GPD2: variants seen among roughly 807,000 people sequenced by gnomAD.
GPD2 encodes the protein glycerol-3-phosphate dehydrogenase, mitochondrial.
Under a neutral mutation model 82.4 loss-of-function variants are expected in GPD2, and 54 were observed. The ratio of observed to expected loss-of-function variants is 0.66; its 90% confidence interval spans 0.53 to 0.82. The LOEUF (loss-of-function observed/expected upper bound fraction) is 0.82, where lower values mean the gene tolerates loss of function less well. Among genes scored for constraint, GPD2 ranks in the 40% least tolerant of loss-of-function variants. The pLI is 0.00. For synonymous variants in GPD2, 288 were observed against 306.1 expected (o/e 0.94, Z 0.62); for missense variants, 748 against 896.2 (o/e 0.83, Z 2.11).
the GPD2 span, among the ~76,000 whole-genome samples, chr2:156,403,648 C>G: frequency 6.7e-6 from 1 of 148,394 alleles, no homozygotes; most frequent in East Asian, 1.9e-4. Flanking sequence ...CGCCTGCATG[C>G]ATGTGCATCC....
chr2:156,577,576 G>T (rs370378458), intron 13 of GPD2, among the ~76,000 whole-genome samples: 2 of 152,262 alleles, frequency 1.3e-5, no homozygotes, highest in East Asian at 3.9e-4. Context: ...GTTCATGCAA[G>T]TGTATGTGTC....
At chr2:156,539,999 A>C (rs1229093104) in intron 6 of GPD2, among the ~76,000 whole-genome samples, 1 of 152,210 alleles carries the variant, frequency 6.6e-6, no homozygotes. Flanking sequence ...GGGCTTGCTC[A>C]GGTTTTTGTT....
At chr2:156,404,422 A>C in the GPD2 span, among the ~76,000 whole-genome samples, 9 of 152,042 alleles carry the variant, frequency 5.9e-5, no homozygotes, top group African/African-American at 2.2e-4. Flanking sequence ...TTAGCCTTTA[A>C]ACTTAGTTTG....
Position 156,549,762 on chromosome 2 carries a change from T to G in GPD2, c.816T>G (p.Asp272Glu). The change falls in exon 7 of 17, where the codon GAT becomes GAG. Residue 272 changes from aspartate to glutamate, a missense_variant. By Grantham distance (45) the Asp-to-Glu change is conservative. Transcript: ENST00000438166. The stretch of plus-strand genomic sequence containing the variant: ...GTGTGAGCGGCGCACGGTGCAAGGA[T>G]GTCCTCACAGGTATGCCAGGTATCT... Reference protein sequence around the residue: ...KVRVSGARCKDVLTGQEFDVR... With the variant: ...KVRVSGARCKEVLTGQEFDVR... The G allele has an allele frequency of 1.2e-6, 2 of 1,613,274 alleles. No homozygotes were observed. The highest frequency in any genetic ancestry group is 2.2e-5 in the South Asian group (2 of 91,062).
At chr2:156,533,675 G>T (rs1315294608) in intron 6 of GPD2, among the ~76,000 whole-genome samples, 1 of 152,216 alleles carries the variant, frequency 6.6e-6, no homozygotes, top group Non-Finnish European at 1.5e-5. Context: ...CTGAATTGAG[G>T]TGTGCCCAAT....
At chr2:156,400,972 AAT>A in the GPD2 span, among the ~76,000 whole-genome samples, 1 of 152,178 alleles carries the variant, frequency 6.6e-6, no homozygotes, top group Non-Finnish European at 1.5e-5. Flanking sequence ...GGCTGAAAAA[AAT>A]CAGCGAAGCT....
intron 2 of GPD2, among the ~76,000 whole-genome samples, chr2:156,495,253 GT>G (rs1383066672): frequency 1.3e-5 from 2 of 152,164 alleles, no homozygotes; most frequent in Non-Finnish European, 2.9e-5. Flanking sequence ...GTAGGCTGAG[GT>G]GGCAGATTCA....
intron 11 of GPD2, 123 bp from the exon 12 acceptor site, chr2:156,569,964 C>T: frequency 1.2e-6 from 1 of 843,478 alleles, no homozygotes; most frequent in East Asian, 2.6e-5. Flanking sequence ...ATATAATACT[C>T]TCCGAGAGCT....
intron 13 of GPD2, among the ~76,000 whole-genome samples, chr2:156,572,251 C>T (rs1348657950): frequency 6.6e-6 from 1 of 152,132 alleles, no homozygotes; most frequent in South Asian, 2.1e-4. Flanking sequence ...TTTATGCATT[C>T]TCTTATACCC....
chr2:156,455,391 G>T (rs2105164687), intron 1 of GPD2, among the ~76,000 whole-genome samples: 2 of 152,306 alleles, frequency 1.3e-5, no homozygotes, highest in South Asian at 4.1e-4. Context: ...AACACAGTAT[G>T]TAGCCAAAGC....
chr2:156,475,762 A>T (rs1301449949), intron 1 of GPD2, among the ~76,000 whole-genome samples: 1 of 152,200 alleles, frequency 6.6e-6, no homozygotes, highest in Non-Finnish European at 1.5e-5. Context: ...CAAGTATAGC[A>T]TGCAGTTTTG....
intron 1 of GPD2, among the ~76,000 whole-genome samples, chr2:156,438,078 A>G (rs187061518): frequency 4.6e-5 from 7 of 152,210 alleles, no homozygotes; most frequent in African/African-American, 1.7e-4. Context: ...CTTGTAATAC[A>G]CCCTCAATAA....
chr2:156,566,360 A>G (rs1482102742), intron 9 of GPD2, among the ~76,000 whole-genome samples: 1 of 152,024 alleles, frequency 6.6e-6, no homozygotes, highest in African/African-American at 2.4e-5. Context: ...TTCTGTAACC[A>G]TTCAATAGTA....
chr2:156,491,845 A>G (rs548858024), intron 2 of GPD2, among the ~76,000 whole-genome samples: 1 of 151,948 alleles, frequency 6.6e-6, no homozygotes, highest in South Asian at 2.1e-4. Flanking sequence ...AGATAGTGAA[A>G]CCTGTCACTA....
intron 9 of GPD2, among the ~76,000 whole-genome samples, chr2:156,567,870 C>T (rs904562477): frequency 3.3e-5 from 5 of 152,080 alleles, no homozygotes; most frequent in African/African-American, 1.2e-4. Flanking sequence ...CTTAATCAGC[C>T]TGGATATAGT....
intron 6 of GPD2, among the ~76,000 whole-genome samples, chr2:156,546,488 A>G (rs1686542166): frequency 6.6e-6 from 1 of 152,220 alleles, no homozygotes; most frequent in Admixed American, 6.5e-5. Flanking sequence ...TACTGTGAGC[A>G]TCTGGGTATC....
chr2:156,538,477 TAAAA>T (rs35817705), intron 6 of GPD2, among the ~76,000 whole-genome samples: 1 of 143,812 alleles, frequency 7.0e-6, no homozygotes, highest in Admixed American at 7.0e-5. Flanking sequence ...AGATTGCTGT[TAAAA>T]AAAAAAAAAA....
chr2:156,447,498 T>C (rs1573875814), intron 1 of GPD2, among the ~76,000 whole-genome samples: 1 of 152,074 alleles, frequency 6.6e-6, no homozygotes, highest in East Asian at 1.9e-4. Context: ...TCATACCTGA[T>C]TGATTTTTAC....
chr2:156,423,577 T>C, the GPD2 span, among the ~76,000 whole-genome samples: 1 of 152,232 alleles, frequency 6.6e-6, no homozygotes, highest in Non-Finnish European at 1.5e-5. Context: ...TTTACTCTCT[T>C]ATGGTAATTA....
Sources: allele counts gnomAD v4.1 joint callset (sites outside exome capture counted in the v4.1 genomes callset), GRCh38; gene constraint gnomAD v4.1.1; transcripts MANE v1.5; gene names NCBI Gene and HGNC (gene_info 2026-07-23, HGNC 2026-07-21).